Variants in DTNA observed in about 807,000 individuals in gnomAD.
DTNA encodes dystrophin-related protein 3.
In DTNA, 43 loss-of-function variants were observed where a neutral mutation model predicts 100.7. The observed-to-expected ratio is 0.43, with a 90% CI of 0.33 to 0.55. The LOEUF (loss-of-function observed/expected upper bound fraction) is 0.55. DTNA is among the 20% of genes least tolerant of loss of function. DTNA has a pLI of 0.04. For missense variants in DTNA, 798 were observed against 953.9 expected (o/e 0.84, Z 2.15); for synonymous variants, 349 against 347.9 (o/e 1.00, Z -0.04).
chr18:34,666,977 G>C (rs1599834896), intron 1 of DTNA, among the ~76,000 whole-genome samples: 1 of 152,192 alleles, frequency 6.6e-6, no homozygotes, highest in East Asian at 1.9e-4. Flanking sequence ...TTGGTAGCTT[G>C]ATGGGGATGG....
At chr18:34,512,785 A>C (rs536312397) in intron 1 of DTNA, among the ~76,000 whole-genome samples, 1 of 152,048 alleles carries the variant, frequency 6.6e-6, no homozygotes, top group Admixed American at 6.6e-5. Flanking sequence ...ACCCTTTCCA[A>C]TGCTTACATA....
chr18:34,667,030 C>G (rs537340476), intron 1 of DTNA, among the ~76,000 whole-genome samples: 2 of 152,094 alleles, frequency 1.3e-5, no homozygotes, highest in Admixed American at 1.3e-4. Flanking sequence ...GCCATTTTCA[C>G]GATATTGATT....
At chr18:34,590,191 G>T (rs2049569130) in intron 1 of DTNA, among the ~76,000 whole-genome samples, 1 of 152,112 alleles carries the variant, frequency 6.6e-6, no homozygotes, top group Non-Finnish European at 1.5e-5. Flanking sequence ...CTGCTGCTTT[G>T]AATCTTCCAT....
intron 3 of DTNA, among the ~76,000 whole-genome samples, chr18:34,781,942 C>T (rs1248596741): frequency 6.6e-6 from 1 of 152,188 alleles, no homozygotes; most frequent in Non-Finnish European, 1.5e-5. Context: ...GACAGTTCCT[C>T]ATGGCTGCCA....
intron 1 of DTNA, among the ~76,000 whole-genome samples, chr18:34,700,815 G>A (rs2081260278): frequency 6.6e-6 from 1 of 152,162 alleles, no homozygotes. Context: ...CCCACTCCGT[G>A]TCTGAGCTAC....
At chr18:34,795,914 G>C (rs867673832) in intron 4 of DTNA, among the ~76,000 whole-genome samples, 1 of 152,102 alleles carries the variant, frequency 6.6e-6, no homozygotes, top group Admixed American at 6.6e-5. Context: ...AGCTATGAAC[G>C]GTCTCTAAAT....
At chr18:34,756,181 G>C in intron 2 of DTNA, 138 bp downstream of exon 2, 2 of 1,014,378 alleles carry the variant, frequency 2.0e-6, no homozygotes, top group South Asian at 2.9e-5. Context: ...GTACATTTTG[G>C]CCTTTTTTAC....
chr18:34,632,809 A>G (rs1237514144), intron 1 of DTNA, among the ~76,000 whole-genome samples: 2 of 152,226 alleles, frequency 1.3e-5, no homozygotes. Context: ...TTTCATCAAT[A>G]AAATGAGATT....
At position 34,891,054 on chromosome 18, in the gene DTNA, C is replaced by T. The variant is rs1185991475; in HGVS notation, c.*3320C>T. 1 of 152,394 alleles carries T rather than the reference C, an allele frequency of 6.6e-6. No individual in the cohort carries two copies. The highest frequency in any genetic ancestry group is 1.5e-5 in the Non-Finnish European group (1 of 68,010). The allele number at this position is 152,394 out of a possible 1,614,324, so 9.4% of individuals were successfully genotyped here. A position where few individuals can be genotyped will look rare whatever the true frequency, so the allele number is the denominator to read the frequency against. On this transcript the variant is annotated 3_prime_UTR_variant, in exon 23 of 23. Transcript: ENST00000444659. Reference sequence around the variant, plus strand: ...ACTCCACTGTCCTTAGAAGAAAGGGCATTTTTACTTTTGAACCAAAAAGAG... The same window carrying T: ...ACTCCACTGTCCTTAGAAGAAAGGGTATTTTTACTTTTGAACCAAAAAGAG...
At chr18:34,813,996 T>G (rs753908434) in intron 6 of DTNA, among the ~76,000 whole-genome samples, 35 of 152,188 alleles carry the variant, frequency 2.3e-4, no homozygotes, top group Non-Finnish European at 4.3e-4. Context: ...ATTATCTGAT[T>G]TATGGCTTGC....
intron 1 of DTNA, among the ~76,000 whole-genome samples, chr18:34,689,180 TC>T (rs1267734193): frequency 6.6e-6 from 1 of 152,182 alleles, no homozygotes; most frequent in Non-Finnish European, 1.5e-5. Flanking sequence ...CCAGTTTTGT[TC>T]CCTTGCTGGC....
intron 7 of DTNA, 98 bp downstream of exon 7, chr18:34,816,112 C>G (rs2095590777): frequency 6.5e-6 from 8 of 1,232,390 alleles, no homozygotes; most frequent in Admixed American, 1.7e-5. Flanking sequence ...TTTAGGGAAG[C>G]CTATTTAGTG....
At chr18:34,815,770 T>G in intron 6 of DTNA, 139 bp from the exon 7 acceptor site, 1 of 776,980 alleles carries the variant, frequency 1.3e-6, no homozygotes, top group Non-Finnish European at 2.2e-6. Context: ...TAATAACACA[T>G]TTGGCAAGTT....
chr18:34,590,069 A>G (rs1265268456), intron 1 of DTNA, among the ~76,000 whole-genome samples: 1 of 152,220 alleles, frequency 6.6e-6, no homozygotes, highest in African/African-American at 2.4e-5. Flanking sequence ...TGAGCATGGA[A>G]GTACAGATAC....
At chr18:34,843,749 A>G (rs1472099864) in intron 13 of DTNA, among the ~76,000 whole-genome samples, 1 of 152,120 alleles carries the variant, frequency 6.6e-6, no homozygotes, top group Non-Finnish European at 1.5e-5. Context: ...TGGGGGAGAC[A>G]CAATTGAATC....
At chr18:34,558,303 A>T (rs2046315190) in intron 1 of DTNA, among the ~76,000 whole-genome samples, 1 of 152,168 alleles carries the variant, frequency 6.6e-6, no homozygotes, top group African/African-American at 2.4e-5. Flanking sequence ...GGTACCTCAG[A>T]TGGAAATGCA....
At chr18:34,754,229 AT>A (rs897795983) in intron 1 of DTNA, among the ~76,000 whole-genome samples, 9 of 148,294 alleles carry the variant, frequency 6.1e-5, no homozygotes, top group East Asian at 3.9e-4. Flanking sequence ...TTTACCACCA[AT>A]TTTTTTTTTT....
At chr18:34,667,635 G>T (rs1033356719) in intron 1 of DTNA, among the ~76,000 whole-genome samples, 99 of 152,030 alleles carry the variant, frequency 6.5e-4, no homozygotes, top group Admixed American at 1.9e-3. Context: ...TAGCATGAAG[G>T]GCTGTTGAAT....
intron 1 of DTNA, among the ~76,000 whole-genome samples, chr18:34,578,840 AC>A (rs1388033928): frequency 6.6e-6 from 1 of 152,080 alleles, no homozygotes; most frequent in African/African-American, 2.4e-5. Context: ...CTATTTTTAT[AC>A]CACTACCATG....
Sources: allele counts gnomAD v4.1 joint callset (sites outside exome capture counted in the v4.1 genomes callset), GRCh38; gene constraint gnomAD v4.1.1; transcripts MANE v1.5; gene names NCBI Gene and HGNC (gene_info 2026-07-23, HGNC 2026-07-21).